The following BCKDHB variants were observed in gnomAD, a reference collection of about 807,000 sequenced individuals.
BCKDHB encodes the protein 2-oxoisovalerate dehydrogenase subunit beta, mitochondrial.
In BCKDHB, 41 loss-of-function variants were observed where a neutral mutation model predicts 48.5. That is an observed-to-expected ratio of 0.85 (90% CI 0.66 to 1.10). The LOEUF is 1.10. BCKDHB is among the 50% of genes least tolerant of loss of function. BCKDHB has a pLI of 0.00. For missense variants in BCKDHB, 496 were observed against 494.2 expected, an observed-to-expected ratio of 1.00 and a Z score of -0.03; for synonymous variants, 201 against 174.8, an observed-to-expected ratio of 1.15 and a Z score of -1.18.
the BCKDHB span, among the ~76,000 whole-genome samples, chr6:80,443,904 G>A: frequency 6.6e-5 from 10 of 152,118 alleles, no homozygotes; most frequent in Non-Finnish European, 7.4e-5. Flanking sequence ...AAAGATGAAC[G>A]TGTCTACTGG....
chr6:80,375,775 T>C, the BCKDHB span, among the ~76,000 whole-genome samples: 1 of 152,206 alleles, frequency 6.6e-6, no homozygotes, highest in Admixed American at 6.5e-5. Context: ...CTCATTTGGA[T>C]AGACTATGAC....
At chr6:80,328,151 T>C (rs1411203528) in intron 9 of BCKDHB, among the ~76,000 whole-genome samples, 1 of 152,156 alleles carries the variant, frequency 6.6e-6, no homozygotes, top group African/African-American at 2.4e-5. Context: ...CTGAGAGATA[T>C]TAAGATAAGG....
intron 9 of BCKDHB, among the ~76,000 whole-genome samples, chr6:80,291,511 C>G (rs1042549977): frequency 1.3e-5 from 2 of 152,184 alleles, no homozygotes; most frequent in African/African-American, 2.4e-5. Context: ...GCAAGATCAG[C>G]AAAATTATCC....
chr6:80,434,998 C>T, the BCKDHB span, among the ~76,000 whole-genome samples: 1 of 152,166 alleles, frequency 6.6e-6, no homozygotes, highest in Non-Finnish European at 1.5e-5. Context: ...CAAATTCTTG[C>T]TATCTTGGCT....
intron 8 of BCKDHB, among the ~76,000 whole-genome samples, chr6:80,209,271 G>T (rs192359755): frequency 2.6e-5 from 4 of 151,778 alleles, no homozygotes; most frequent in Non-Finnish European, 5.9e-5. Context: ...GAAAAATTTC[G>T]TGATACGTAT....
At chr6:80,120,914 G>A (rs1769980572) in intron 1 of BCKDHB, among the ~76,000 whole-genome samples, 1 of 152,156 alleles carries the variant, frequency 6.6e-6, no homozygotes, top group African/African-American at 2.4e-5. Context: ...TGCTTTTGAT[G>A]TTTTAGTCAT....
chr6:80,117,999 T>G (rs750604042), intron 1 of BCKDHB, among the ~76,000 whole-genome samples: 1 of 152,200 alleles, frequency 6.6e-6, no homozygotes, highest in Admixed American at 6.5e-5. Flanking sequence ...ATGGAAATCC[T>G]CATAGACAAG....
chr6:80,198,160 G>C (rs1171978832), intron 6 of BCKDHB, among the ~76,000 whole-genome samples: 2 of 152,174 alleles, frequency 1.3e-5, no homozygotes, highest in African/African-American at 4.8e-5. Context: ...CAGTTCTGCT[G>C]TTGTAGGGTA....
intron 9 of BCKDHB, chr6:80,307,905 C>T (rs751006552): frequency 4.1e-4 from 399 of 971,860 alleles, no homozygotes; most frequent in Middle Eastern, 2.6e-3. Context: ...AAAAATTATT[C>T]CCAAAAGTAA....
the BCKDHB span, among the ~76,000 whole-genome samples, chr6:80,410,884 T>TA: frequency 6.6e-6 from 1 of 152,330 alleles, no homozygotes; most frequent in East Asian, 1.9e-4. Context: ...GCAATGGGTT[T>TA]AGAACATGCT....
intron 9 of BCKDHB, among the ~76,000 whole-genome samples, chr6:80,317,447 C>T (rs1351170421): frequency 1.3e-5 from 2 of 152,184 alleles, no homozygotes; most frequent in African/African-American, 4.8e-5. Flanking sequence ...GTTCATGGCT[C>T]TTCTTCTGTC....
intron 1 of BCKDHB, among the ~76,000 whole-genome samples, chr6:80,114,618 G>C (rs939684374): frequency 9.9e-5 from 15 of 152,160 alleles, no homozygotes; most frequent in Non-Finnish European, 1.9e-4. Flanking sequence ...ATGAAAAAAA[G>C]GAAGACATTG....
intron 6 of BCKDHB, among the ~76,000 whole-genome samples, chr6:80,175,119 T>A (rs551850427): frequency 6.6e-6 from 1 of 152,322 alleles, no homozygotes; most frequent in Admixed American, 6.5e-5. Flanking sequence ...GTTACTGTGC[T>A]GTCTTCAACA....
At chr6:80,375,045 A>C in the BCKDHB span, among the ~76,000 whole-genome samples, 4 of 152,168 alleles carry the variant, frequency 2.6e-5, no homozygotes, top group East Asian at 7.7e-4. Flanking sequence ...GTTTCCCTTT[A>C]TAAGTTACCT....
At chr6:80,361,361 G>A in the BCKDHB span, among the ~76,000 whole-genome samples, 1 of 152,344 alleles carries the variant, frequency 6.6e-6, no homozygotes, top group East Asian at 1.9e-4. Context: ...GTGTGCAGGT[G>A]CACTGCATGT....
intron 9 of BCKDHB, among the ~76,000 whole-genome samples, chr6:80,304,390 C>T (rs1767746527): frequency 6.6e-6 from 1 of 152,012 alleles, no homozygotes; most frequent in South Asian, 2.1e-4. Context: ...TCTGACTTTC[C>T]TAGCAAAGTG....
chr6:80,175,130 T>C (rs1773090735), intron 6 of BCKDHB, among the ~76,000 whole-genome samples: 1 of 152,170 alleles, frequency 6.6e-6, no homozygotes, highest in Non-Finnish European at 1.5e-5. Flanking sequence ...GTCTTCAACA[T>C]GTAGTTTTCA....
the BCKDHB span, among the ~76,000 whole-genome samples, chr6:80,367,134 T>C: frequency 6.6e-6 from 1 of 152,198 alleles, no homozygotes; most frequent in Non-Finnish European, 1.5e-5. Context: ...AAATGAAAAT[T>C]TGAGTTCCCT....
At chr6:80,382,705 C>A in the BCKDHB span, among the ~76,000 whole-genome samples, 1 of 152,044 alleles carries the variant, frequency 6.6e-6, no homozygotes, top group South Asian at 2.1e-4. Flanking sequence ...TATATATATT[C>A]ATTTCCATTT....
Sources: gnomAD v4.1 joint callset for allele counts (sites outside exome capture counted in the v4.1 genomes callset) on GRCh38, gnomAD v4.1.1 for gene constraint, MANE v1.5 for transcripts, NCBI Gene and HGNC (gene_info 2026-07-23, HGNC 2026-07-21) for gene names.